The following ALPK2 variants were observed in gnomAD, a reference collection of about 807,000 sequenced individuals.
ALPK2 encodes the protein alpha kinase 2, also known as alpha-protein kinase 2.
Under a neutral mutation model 163.1 loss-of-function variants are expected in ALPK2, and 127 were observed. That is an observed-to-expected ratio of 0.78 (90% confidence interval 0.67 to 0.90). The LOEUF (loss-of-function observed/expected upper bound fraction) is 0.90, where lower values mean the gene tolerates loss of function less well. Among genes scored for constraint, ALPK2 ranks in the 40% least tolerant of loss-of-function variants. The pLI, the probability that ALPK2 is intolerant of heterozygous loss-of-function variation, is 0.00. For missense variants in ALPK2, 2,360 were observed against 2,589.6 expected, an observed-to-expected ratio of 0.91 and a Z score of 1.92; for synonymous variants, 953 against 959.1, an observed-to-expected ratio of 0.99 and a Z score of 0.12.
At chr18:58,609,221 T>C (rs2052115215) in intron 2 of ALPK2, among the ~76,000 whole-genome samples, 1 of 152,116 alleles carries the variant, frequency 6.6e-6, no homozygotes, top group Non-Finnish European at 1.5e-5. Flanking sequence ...ACCTGAGTAG[T>C]TACCCTGGGG....
rs757425296 is a variant in ALPK2, at chr18:58,504,113, T to C, written c.6065A>G (p.Asn2022Ser). ...CTCCACTGTAGCATACGGGATATTGTTCTCAGGCCGATGGATAAGAAAAAT... is the reference window on the plus strand; with the variant it reads ...CTCCACTGTAGCATACGGGATATTGCTCTCAGGCCGATGGATAAGAAAAAT... ...IPIFLIHRPENNIPYATVEEE... is the reference protein window; with the variant it reads ...IPIFLIHRPESNIPYATVEEE... The change falls in exon 11 of 13, where the codon AAC becomes AGC. Residue 2022 changes from asparagine to serine, a missense_variant. Physicochemically the swap from Asn to Ser is conservative, Grantham distance 46. Transcript: ENST00000361673. 2.4e-5 allele frequency: 38 copies of C among 1,614,076 alleles called. No individual in the cohort carries two copies. Among genetic ancestry groups the C allele is most frequent in the Non-Finnish European group, 3.0e-5 (35 of 1,180,044 alleles).
chr18:58,536,670 C>A lies in ALPK2; in HGVS notation c.3517G>T (p.Ala1173Ser). The change falls in exon 5 of 13, where the codon GCC becomes TCC. Residue 1173 changes from alanine to serine, a missense_variant. Transcript: ENST00000361673. ...TCCCTAGAGCTTGCGGGTGAGTGGG[C>A]CGTGGGCACCAAGTTTCTTTCCTCT... Reference protein sequence around the residue: ...AQEERNLVPTAHSPASSREGA... With the variant: ...AQEERNLVPTSHSPASSREGA... The A allele has an allele frequency of 1.2e-6, 2 of 1,614,160 alleles. No homozygotes were observed. Among genetic ancestry groups the A allele is most frequent in the Non-Finnish European group, 1.7e-6 (2 of 1,180,028 alleles).
rs9958141 is a variant in ALPK2 at position 58,628,888 on chromosome 18, A to G, written c.-145T>C. 11,031 of 152,254 alleles carry G rather than the reference A, an allele frequency of 0.072. 1,262 individuals carry two copies. The highest frequency in any genetic ancestry group is 0.25 in the African/African-American group (10,273 of 41,500). 9.4% of individuals were successfully genotyped at this position (152,254 alleles called of 1,614,324 possible). On this transcript the variant is annotated 5_prime_UTR_variant, in exon 1 of 13. Coordinates refer to ENST00000361673, the MANE Select transcript of ALPK2 (RefSeq NM_052947.4). ...GGGACAGGGATTCAAAGGAGTTTAT[A>G]GGGCTCAGGGTCTTCCATGATCAGG...
intron 4 of ALPK2, among the ~76,000 whole-genome samples, chr18:58,560,474 T>A (rs545998964): frequency 6.6e-6 from 1 of 152,326 alleles, no homozygotes; most frequent in South Asian, 2.1e-4. Context: ...TTTCTCGACC[T>A]TCAAAGCCAG....
At chr18:58,570,043 T>C (rs531219214) in intron 4 of ALPK2, among the ~76,000 whole-genome samples, 10 of 151,540 alleles carry the variant, frequency 6.6e-5, no homozygotes, top group African/African-American at 2.4e-4. Context: ...GGCAGGAGAA[T>C]TGCTTGAACC....
At chr18:58,525,073 T>C (rs1216371365) in intron 6 of ALPK2, among the ~76,000 whole-genome samples, 1 of 152,168 alleles carries the variant, frequency 6.6e-6, no homozygotes, top group Non-Finnish European at 1.5e-5. Flanking sequence ...GTGGTGTACA[T>C]TTTAGCTTGG....
Position 58,482,051 on chromosome 18 carries a change from G to T in ALPK2, c.6297-12C>A. 1 of 1,603,514 alleles carries T rather than the reference G, an allele frequency of 6.2e-7. No individual in the cohort carries two copies. The highest frequency in any genetic ancestry group is 8.5e-7 in the Non-Finnish European group (1 of 1,171,140). Reference sequence around the variant, plus strand: ...TAAATCCCTTGTACCTGTGAGTTTGGGTGGAAGGAAACATAGCTTTTAAAA... The same window carrying T: ...TAAATCCCTTGTACCTGTGAGTTTGTGTGGAAGGAAACATAGCTTTTAAAA... On this transcript the variant is annotated splice_polypyrimidine_tract_variant and intron_variant, in intron 12 of 12. Coordinates refer to ENST00000361673, the MANE Select transcript of ALPK2 (RefSeq NM_052947.4).
intron 3 of ALPK2, among the ~76,000 whole-genome samples, chr18:58,606,685 C>G (rs1392410555): frequency 6.6e-6 from 1 of 152,140 alleles, no homozygotes; most frequent in Non-Finnish European, 1.5e-5. Context: ...CTCCTCAGAG[C>G]CCCATAATGG....
At position 58,497,622 on chromosome 18, in the gene ALPK2, T is replaced by C. The variant is rs1042809968; in HGVS notation, c.6296+427A>G. On this transcript the variant is annotated intron_variant, in intron 12 of 12. Coordinates refer to ENST00000361673, the MANE Select transcript of ALPK2 (RefSeq NM_052947.4). ...TCTGTGAGCTGCCTAAAATACTTTT[T>C]GGAGAAAAATTAATTTAAAATATAC... Among the ~76,000 whole-genome samples, 3 of 152,226 alleles carry C rather than the reference T, an allele frequency of 2.0e-5. No homozygotes were observed. In the South Asian group the frequency reaches 6.2e-4, roughly 32 times the overall value.
intron 4 of ALPK2, among the ~76,000 whole-genome samples, chr18:58,556,433 G>A (rs1167845138): frequency 6.6e-6 from 1 of 152,220 alleles, no homozygotes; most frequent in Non-Finnish European, 1.5e-5. Flanking sequence ...CTGACGTAGA[G>A]CCTGGCTGAC....
At chr18:58,610,387 G>T (rs944270278) in intron 2 of ALPK2, among the ~76,000 whole-genome samples, 7 of 149,288 alleles carry the variant, frequency 4.7e-5, no homozygotes, top group African/African-American at 1.7e-4. Context: ...ATCCAAAAAA[G>T]AAAAGAGAAC....
intron 2 of ALPK2, among the ~76,000 whole-genome samples, chr18:58,608,105 A>G (rs1478145984): frequency 6.6e-6 from 1 of 152,196 alleles, no homozygotes; most frequent in Non-Finnish European, 1.5e-5. Context: ...TAAAATGTGT[A>G]TTTCATATTT....
At chr18:58,551,387 C>T (rs565179483) in intron 4 of ALPK2, among the ~76,000 whole-genome samples, 16 of 152,268 alleles carry the variant, frequency 1.1e-4, no homozygotes, top group African/African-American at 3.1e-4. Flanking sequence ...TCTCTCCCTC[C>T]GTCTTCATGT....
At chr18:58,608,818 G>A (rs2052111857) in intron 2 of ALPK2, among the ~76,000 whole-genome samples, 2 of 152,062 alleles carry the variant, frequency 1.3e-5, no homozygotes, top group South Asian at 2.1e-4. Flanking sequence ...TGGGTGTGGT[G>A]GTGTACACCT....
chr18:58,529,274 A>G (rs2051600113), intron 5 of ALPK2, 36 bp from the exon 6 acceptor site: 1 of 1,574,790 alleles, frequency 6.4e-7, no homozygotes, highest in South Asian at 1.2e-5. Flanking sequence ...GTGTAACAAA[A>G]GACTTTCCCA....
intron 10 of ALPK2, 62 bp from the exon 11 acceptor site, chr18:58,504,210 G>A: frequency 7.2e-7 from 1 of 1,383,784 alleles, no homozygotes; most frequent in Non-Finnish European, 1.0e-6. Flanking sequence ...GGCTCCTGCG[G>A]CATTCTACTC....
chr18:58,483,761 C>T (rs2051324148), intron 12 of ALPK2, among the ~76,000 whole-genome samples: 1 of 149,194 alleles, frequency 6.7e-6, no homozygotes, highest in Non-Finnish European at 1.5e-5. Context: ...GACAGGGCTT[C>T]ACCATGTTGG....
intron 6 of ALPK2, among the ~76,000 whole-genome samples, chr18:58,528,040 G>A (rs1229180674): frequency 6.6e-6 from 1 of 152,188 alleles, no homozygotes. Context: ...CTTTGGCAGA[G>A]GGTTGACTTT....
At position 58,534,801 on chromosome 18, in the gene ALPK2, C is replaced by T. The variant is rs749265330; in HGVS notation, c.5353+33G>A. On this transcript the variant is annotated intron_variant, in intron 5 of 12. Transcript: ENST00000361673. ...TGGATACCTGGTCTACAAGCCCAAA[C>T]TTTAACAATGATGGACAGCAACAGA... 1.3e-5 allele frequency: 20 copies of T among 1,565,822 alleles called. 1 individual carries two copies. Among genetic ancestry groups the T allele is most frequent in the Non-Finnish European group, 1.5e-5 (18 of 1,161,390 alleles).
Sources: gnomAD v4.1 joint callset for allele counts (sites outside exome capture counted in the v4.1 genomes callset) on GRCh38, gnomAD v4.1.1 for gene constraint, MANE v1.5 for transcripts, NCBI Gene and HGNC (gene_info 2026-07-23, HGNC 2026-07-21) for gene names.